The following TRIO variants were observed in gnomAD, a reference collection of about 807,000 sequenced individuals.
TRIO encodes triple functional domain protein.
Under a neutral mutation model 351.9 loss-of-function variants are expected in TRIO, and 58 were observed. The observed-to-expected ratio is 0.16, with a 90% CI of 0.13 to 0.21. The LOEUF (loss-of-function observed/expected upper bound fraction) is 0.21. Among genes scored for constraint, TRIO ranks in the 10% least tolerant of loss-of-function variants. The pLI, the probability that TRIO is intolerant of heterozygous loss-of-function variation, is 1.00. For missense variants in TRIO, 3,201 were observed against 4,027.8 expected, an observed-to-expected ratio of 0.79 and a Z score of 5.56; for synonymous variants, 1,758 against 1,595.7, an observed-to-expected ratio of 1.10 and a Z score of -2.42.
chr5:14,159,054 A>G (rs933738018), intron 1 of TRIO, among the ~76,000 whole-genome samples: 1 of 152,216 alleles, frequency 6.6e-6, no homozygotes. Flanking sequence ...GGACAAGGTT[A>G]CCACGCGCAC....
In TRIO at chr5:14,405,961, C is replaced by G. The variant is rs140153002; in HGVS notation, c.4830C>G (p.Thr1610=). 14 of 1,607,484 alleles carry G rather than the reference C, an allele frequency of 8.7e-6. No individual in the cohort carries two copies. Among genetic ancestry groups the G allele is most frequent in the African/African-American group, 6.7e-5 (5 of 74,790 alleles). Residue 1610 remains threonine (T), a synonymous_variant, in exon 32 of 57, where the codon ACC becomes ACG. Transcript: ENST00000344204. ...ALKEPIHIPK[T]APATRQKGRR... ...AGGAGCCCATTCACATCCCTAAGAC[C>G]GCTCCCGCCACAAGACAGAAGGGAA... is the stretch of plus-strand genomic sequence containing the variant.
chr5:14,250,556 C>T (rs1031366487), intron 1 of TRIO, among the ~76,000 whole-genome samples: 6 of 152,140 alleles, frequency 3.9e-5, no homozygotes, highest in African/African-American at 1.4e-4. Context: ...AACCGCTTGC[C>T]TATTTATTAG....
intron 34 of TRIO, 91 bp from the exon 35 acceptor site, chr5:14,460,928 G>A: frequency 7.1e-7 from 1 of 1,416,274 alleles, no homozygotes; most frequent in South Asian, 1.6e-5. Flanking sequence ...CAGGCCCACT[G>A]GCTTCCCTGC....
intron 8 of TRIO, among the ~76,000 whole-genome samples, chr5:14,313,881 A>G (rs1421090131): frequency 6.6e-6 from 1 of 152,138 alleles, no homozygotes; most frequent in Non-Finnish European, 1.5e-5. Context: ...TTGGCCACTC[A>G]TATATGTAAG....
intron 40 of TRIO, among the ~76,000 whole-genome samples, chr5:14,476,199 G>A (rs1755062025): frequency 6.6e-6 from 1 of 152,134 alleles, no homozygotes. Flanking sequence ...CAGGTATAAA[G>A]ACCAAGTTTT....
chr5:14,399,324 A>G (rs991961188), intron 30 of TRIO: 1 of 465,462 alleles, frequency 2.1e-6, no homozygotes, highest in South Asian at 5.9e-5. Context: ...CTGCAGGATA[A>G]GAAAACATTT....
intron 34 of TRIO, among the ~76,000 whole-genome samples, chr5:14,442,786 A>G (rs1752167875): frequency 6.6e-6 from 1 of 152,180 alleles, no homozygotes; most frequent in African/African-American, 2.4e-5. Context: ...TGCAAAGAAC[A>G]ACTGGTCACA....
At position 14,399,115 on chromosome 5, in the gene TRIO, T is replaced by C. The variant is rs1747852925; in HGVS notation, c.4614+45T>C. ...ATTGTAAGTCTAAAGGTAACACAAT[T>C]GCAGTCTTTTTGTAGGTAGAGAAGA... On this transcript the variant is annotated intron_variant, in intron 30 of 56. Transcript: ENST00000344204. 3.9e-6 allele frequency: 6 copies of C among 1,550,514 alleles called. No homozygotes were observed. The East Asian group carries it at 1.3e-4, about 35-fold the overall frequency.
At chr5:14,333,278 G>A (rs1741078183) in intron 10 of TRIO, among the ~76,000 whole-genome samples, 1 of 152,144 alleles carries the variant, frequency 6.6e-6, no homozygotes. Flanking sequence ...CACTTCTTGG[G>A]TCCACTGTTA....
At chr5:14,483,281 G>A (rs937645611) in intron 46 of TRIO, among the ~76,000 whole-genome samples, 1 of 152,158 alleles carries the variant, frequency 6.6e-6, no homozygotes, top group Non-Finnish European at 1.5e-5. Flanking sequence ...GAAAATAATT[G>A]CCAATGGCCC....
intron 15 of TRIO, 143 bp downstream of exon 15, chr5:14,364,959 A>T: frequency 9.3e-7 from 1 of 1,080,446 alleles, no homozygotes. Flanking sequence ...GATAATGCGC[A>T]CATACACACA....
At chr5:14,416,516 A>G (rs1053139230) in intron 33 of TRIO, among the ~76,000 whole-genome samples, 1 of 152,160 alleles carries the variant, frequency 6.6e-6, no homozygotes, top group Non-Finnish European at 1.5e-5. Context: ...GCCCTTTGAA[A>G]TATTCTGTTG....
chr5:14,489,110 G>A (rs369781130), intron 48 of TRIO: 22 of 743,478 alleles, frequency 3.0e-5, no homozygotes, highest in Admixed American at 7.1e-5. Flanking sequence ...ATGTTTGAAC[G>A]CTTTATAAAT....
intron 37 of TRIO, among the ~76,000 whole-genome samples, chr5:14,470,033 T>G (rs1255898941): frequency 6.6e-6 from 1 of 152,254 alleles, no homozygotes; most frequent in Non-Finnish European, 1.5e-5. Flanking sequence ...AAACAAGCTC[T>G]GCTACTCACA....
intron 37 of TRIO, among the ~76,000 whole-genome samples, chr5:14,468,166 A>G (rs755712404): frequency 6.6e-6 from 1 of 152,182 alleles, no homozygotes; most frequent in Non-Finnish European, 1.5e-5. Flanking sequence ...GGTCTGTGGC[A>G]TGGTCAGTTT....
At chr5:14,262,522 A>C (rs1191552556) in intron 1 of TRIO, among the ~76,000 whole-genome samples, 1 of 152,180 alleles carries the variant, frequency 6.6e-6, no homozygotes, top group Non-Finnish European at 1.5e-5. Context: ...GGGGAGTAAA[A>C]TGATGAGATA....
intron 37 of TRIO, among the ~76,000 whole-genome samples, 181 bp from the exon 38 acceptor site, chr5:14,471,137 A>T (rs1045431560): frequency 3.3e-5 from 5 of 152,030 alleles, no homozygotes; most frequent in African/African-American, 1.2e-4. Context: ...CTTTGACTCT[A>T]TTTTTTTATT....
intron 6 of TRIO, among the ~76,000 whole-genome samples, chr5:14,296,732 A>T (rs567899780): frequency 1.3e-5 from 2 of 152,194 alleles, no homozygotes; most frequent in South Asian, 4.1e-4. Flanking sequence ...CAGGCTTGCC[A>T]TCTGGACCCT....
intron 34 of TRIO, 97 bp downstream of exon 34, chr5:14,420,118 T>C: frequency 6.6e-7 from 1 of 1,522,094 alleles, no homozygotes. Context: ...GTGCATGAGC[T>C]TCCTTGTCAG....
Sources: allele counts gnomAD v4.1 joint callset (sites outside exome capture counted in the v4.1 genomes callset), GRCh38; gene constraint gnomAD v4.1.1; transcripts MANE v1.5; gene names NCBI Gene and HGNC (gene_info 2026-07-23, HGNC 2026-07-21).